ABCA9: variants seen among roughly 807,000 people sequenced by gnomAD.
The protein encoded by ABCA9 is ATP binding cassette subfamily A member 9, also known as ATP-binding cassette sub-family A member 9.
ABCA9 carries 183 observed loss-of-function variants against 205.3 expected under a neutral mutation model. The ratio of observed to expected loss-of-function variants is 0.89; its 90% confidence interval spans 0.79 to 1.01. The LOEUF (loss-of-function observed/expected upper bound fraction) is 1.01. ABCA9 is among the 50% of genes least tolerant of loss of function. The probability of loss-of-function intolerance (pLI) is 0.00; values close to 1 mark genes in which losing one functional copy is unlikely to be tolerated. For missense variants in ABCA9, 1,805 were observed against 1,912.4 expected, an observed-to-expected ratio of 0.94 and a Z score of 1.05; for synonymous variants, 651 against 683.3, an observed-to-expected ratio of 0.95 and a Z score of 0.74.
chr17:68,993,442 G>A (rs1245623623), intron 26 of ABCA9, among the ~76,000 whole-genome samples: 1 of 152,110 alleles, frequency 6.6e-6, no homozygotes, highest in Non-Finnish European at 1.5e-5. Context: ...CTCTTCCCTC[G>A]ATTATGCCCC....
intron 25 of ABCA9, among the ~76,000 whole-genome samples, chr17:68,997,733 G>A (rs934379337): frequency 6.6e-6 from 1 of 151,596 alleles, no homozygotes; most frequent in Non-Finnish European, 1.5e-5. Flanking sequence ...CACAGCCTCC[G>A]CCATTATTAA....
chr17:69,062,174 A>T (rs1253643893), upstream of ABCA9, among the ~76,000 whole-genome samples: 1 of 151,970 alleles, frequency 6.6e-6, no homozygotes, highest in East Asian at 1.9e-4. Flanking sequence ...TTGTTTCCAT[A>T]TGTCTACAGA....
Position 69,011,963 on chromosome 17 carries a change from T to C in ABCA9, c.3147+13A>G, listed in dbSNP as rs2070393077. The C allele has an allele frequency of 6.3e-7, 1 of 1,585,820 alleles. No individual in the cohort carries two copies. Among genetic ancestry groups the C allele is most frequent in the Non-Finnish European group, 8.6e-7 (1 of 1,160,272 alleles). Reference sequence around the variant, plus strand: ...AGATATAAAAAACATGTGAAGACTTTAACTCTTCTTACTTTGTAGTCACCA... The same window carrying C: ...AGATATAAAAAACATGTGAAGACTTCAACTCTTCTTACTTTGTAGTCACCA... On this transcript the variant is annotated intron_variant, in intron 23 of 38. Coordinates refer to ENST00000340001, the MANE Select transcript of ABCA9 (RefSeq NM_080283.4).
intron 25 of ABCA9, 101 bp from the exon 26 acceptor site, chr17:68,996,115 C>T: frequency 8.0e-7 from 1 of 1,253,408 alleles, no homozygotes; most frequent in Non-Finnish European, 1.1e-6. Flanking sequence ...TTGTTATTTT[C>T]AATTTCACTC....
At chr17:69,014,079 C>G (rs1055595631) in intron 22 of ABCA9, among the ~76,000 whole-genome samples, 6 of 152,098 alleles carry the variant, frequency 3.9e-5, no homozygotes, top group Middle Eastern at 3.2e-3. Flanking sequence ...CTAGCCTACT[C>G]AAATATAATA....
chr17:68,993,276 C>T (rs896686571), intron 26 of ABCA9, among the ~76,000 whole-genome samples, 192 bp from the exon 27 acceptor site: 6 of 152,186 alleles, frequency 3.9e-5, no homozygotes, highest in Non-Finnish European at 7.3e-5. Flanking sequence ...GTCTCTAGGC[C>T]GGGATGCCTT....
upstream of ABCA9, among the ~76,000 whole-genome samples, chr17:69,062,346 T>A (rs371266218): frequency 9.2e-5 from 14 of 152,282 alleles, no homozygotes; most frequent in East Asian, 1.9e-4. Flanking sequence ...TTAGAGCTTA[T>A]GAGTTCTGGA....
In ABCA9 at chr17:69,020,600, T is replaced by A. The variant is rs771542347; in HGVS notation, c.2402-14A>T. ...AAATTCCAATATCTAAAACATAAGA[T>A]CAATATTTTATAAAGTGCCATTTTA... On this transcript the variant is annotated splice_polypyrimidine_tract_variant and intron_variant, in intron 18 of 38. Transcript: ENST00000340001. 6.2e-7 allele frequency: 1 copy of A among 1,605,932 alleles called. No homozygotes were observed. The highest frequency in any genetic ancestry group is 1.3e-5 in the African/African-American group (1 of 74,666).
chr17:68,994,062 G>C (rs568800358), intron 26 of ABCA9, among the ~76,000 whole-genome samples: 121 of 152,310 alleles, frequency 7.9e-4, no homozygotes, highest in African/African-American at 2.6e-3. Context: ...TTTTAGTAGA[G>C]ATGGGGTTTC....
chr17:69,035,786 C>G lies in ABCA9; in HGVS notation c.816G>C (p.Leu272Phe), dbSNP rs1398989591. ...TGATAAGGATGAAGCCAGCATACAT[C>G]AAACCCCAGGAAAGCCTAGCAGAGA... ...RESAFWLSWGLMYAGFILIMA... is the reference protein window; with the variant it reads ...RESAFWLSWGFMYAGFILIMA... Residue 272 changes from leucine (L) to phenylalanine (F), a missense_variant, in exon 7 of 39, where the codon TTG becomes TTC. Coordinates refer to ENST00000340001, the MANE Select transcript of ABCA9 (RefSeq NM_080283.4). 22 of 1,612,248 alleles carry G rather than the reference C, an allele frequency of 1.4e-5. No homozygotes were observed. The highest frequency in any genetic ancestry group is 1.8e-5 in the Non-Finnish European group (21 of 1,178,920).
At chr17:68,981,922 G>A (rs1273953444) in intron 37 of ABCA9, among the ~76,000 whole-genome samples, 1 of 145,766 alleles carries the variant, frequency 6.9e-6, no homozygotes, top group East Asian at 2.0e-4. Context: ...AGCTCAAGAA[G>A]GGGCATGAGG....
At chr17:69,046,621 T>C (rs1076401) in intron 3 of ABCA9, among the ~76,000 whole-genome samples, 1 of 151,502 alleles carries the variant, frequency 6.6e-6, no homozygotes, top group Non-Finnish European at 1.5e-5. Context: ...GGTTGTGCAA[T>C]AGTTCACGTG....
chr17:68,980,658 A>G (rs1289081961), intron 37 of ABCA9, among the ~76,000 whole-genome samples: 1 of 150,966 alleles, frequency 6.6e-6, no homozygotes, highest in Non-Finnish European at 1.5e-5. Flanking sequence ...GCTGGAAACC[A>G]TCATTCTCAG....
chr17:69,004,331 T>C (rs1009511414), intron 25 of ABCA9, among the ~76,000 whole-genome samples: 1 of 152,196 alleles, frequency 6.6e-6, no homozygotes, highest in African/African-American at 2.4e-5. Context: ...TAGTTTTCCT[T>C]CTAACGGACA....
the ABCA9 span, among the ~76,000 whole-genome samples, chr17:69,076,881 C>A: frequency 6.6e-6 from 1 of 151,860 alleles, no homozygotes; most frequent in Non-Finnish European, 1.5e-5. Flanking sequence ...TCTGATTGTG[C>A]TTATTTGGAT....
intron 37 of ABCA9, among the ~76,000 whole-genome samples, chr17:68,977,196 G>A (rs560663851): frequency 1.3e-5 from 2 of 152,192 alleles, no homozygotes; most frequent in Non-Finnish European, 2.9e-5. Flanking sequence ...GGAGCTGCCA[G>A]GTGGTCACAG....
chr17:69,045,932 A>C (rs903361579), intron 3 of ABCA9, among the ~76,000 whole-genome samples: 4 of 152,212 alleles, frequency 2.6e-5, no homozygotes, highest in African/African-American at 9.6e-5. Flanking sequence ...GGGTGGAGAC[A>C]CAGCCAAACC....
At chr17:68,977,743 G>A (rs1237710790) in intron 37 of ABCA9, among the ~76,000 whole-genome samples, 4 of 152,230 alleles carry the variant, frequency 2.6e-5, no homozygotes. Flanking sequence ...ACCTGAGAAT[G>A]TAACAGTGTC....
chr17:69,043,951 T>G (rs149724704), intron 5 of ABCA9, among the ~76,000 whole-genome samples: 32 of 152,332 alleles, frequency 2.1e-4, no homozygotes, highest in African/African-American at 7.5e-4. Context: ...CTAGCTGAAA[T>G]GTCACTTCAA....
Sources: allele counts gnomAD v4.1 joint callset (sites outside exome capture counted in the v4.1 genomes callset), GRCh38; gene constraint gnomAD v4.1.1; transcripts MANE v1.5; gene names NCBI Gene and HGNC (gene_info 2026-07-23, HGNC 2026-07-21).